The following PLAAT1 variants were observed in gnomAD, a reference collection of about 807,000 sequenced individuals.
The protein encoded by PLAAT1 is phospholipase A and acyltransferase 1, also known as H-REV107 protein-related protein.
In PLAAT1, 13 loss-of-function variants were observed where a neutral mutation model predicts 16.4. The observed-to-expected ratio is 0.79, with a 90% confidence interval of 0.52 to 1.26. The LOEUF is 1.26. Among genes scored for constraint, PLAAT1 ranks in the 50% most tolerant of loss-of-function variants. The pLI, the probability that PLAAT1 is intolerant of heterozygous loss-of-function variation, is 0.00. For synonymous variants in PLAAT1, 73 were observed against 78.4 expected (o/e 0.93, Z 0.36); for missense variants, 218 against 207.8 (o/e 1.05, Z -0.30).
chr3:193,259,277 A>G, intron 2 of PLAAT1, among the ~76,000 whole-genome samples: 1 of 152,174 alleles, frequency 6.6e-6, no homozygotes, highest in East Asian at 1.9e-4. Flanking sequence ...CCCACAGCCA[A>G]CATCATACTG....
chr3:193,269,547 A>G (rs1317348422), intron 3 of PLAAT1, among the ~76,000 whole-genome samples: 2 of 152,192 alleles, frequency 1.3e-5, no homozygotes. Context: ...GGCAGGTTCC[A>G]CGGTGGAAGG....
At chr3:193,248,263 T>C (rs1716055365) in intron 1 of PLAAT1, among the ~76,000 whole-genome samples, 1 of 152,176 alleles carries the variant, frequency 6.6e-6, no homozygotes, top group Non-Finnish European at 1.5e-5. Context: ...ATATCTTTTT[T>C]CATCCCTTCA....
chr3:193,244,954 T>G (rs57253110), intron 1 of PLAAT1, among the ~76,000 whole-genome samples: 1,599 of 152,292 alleles, frequency 0.01, 55 homozygotes, highest in East Asian at 0.072. Flanking sequence ...TACTACCACA[T>G]TAGACATTCA....
downstream of PLAAT1, chr3:193,279,598 A>G: frequency 3.1e-6 from 2 of 637,750 alleles, no homozygotes; most frequent in Non-Finnish European, 5.6e-6. Context: ...GTTTTGAAAT[A>G]TGTTCTAATG....
intron 1 of PLAAT1, among the ~76,000 whole-genome samples, chr3:193,252,857 T>G (rs1716241343): frequency 6.6e-6 from 1 of 152,126 alleles, no homozygotes; most frequent in Non-Finnish European, 1.5e-5. Context: ...CTGGTTTTGT[T>G]TCCTTTGTCT....
At chr3:193,273,839 C>T (rs1717066326), downstream of PLAAT1, among the ~76,000 whole-genome samples, 1 of 152,058 alleles carries the variant, frequency 6.6e-6, no homozygotes, top group South Asian at 2.1e-4. Flanking sequence ...TGAAATAGAA[C>T]TTAAGATTGT....
chr3:193,279,472 ATTATTT>A (rs779308472), downstream of PLAAT1: 2 of 1,593,438 alleles, frequency 1.3e-6, no homozygotes, highest in African/African-American at 2.7e-5. Flanking sequence ...AATACCAAAC[ATTATTT>A]TTAGATGTTA....
rs574565336 is a variant in PLAAT1, at chr3:193,249,771, A to G, written c.1-5880A>G. Among the ~76,000 whole-genome samples, 446 of 151,914 alleles carry G rather than the reference A, an allele frequency of 2.9e-3. 3 individuals are homozygous for G. Among genetic ancestry groups the G allele is most frequent in the Non-Finnish European group, 5.1e-3 (344 of 67,962 alleles). ...GCTAATTCTTACTTCTGCTTGATTT[A>G]TTCTACTGTTGAACCTCCTTATTGG... On this transcript the variant is annotated intron_variant, in intron 1 of 3. Transcript: ENST00000264735.
intron 2 of PLAAT1, among the ~76,000 whole-genome samples, chr3:193,262,181 A>C (rs1237440894): frequency 6.6e-6 from 1 of 152,110 alleles, no homozygotes; most frequent in African/African-American, 2.4e-5. Context: ...GGCCAAAGAT[A>C]TAGTAGTTCC....
chr3:193,263,378 G>A lies in PLAAT1; in HGVS notation c.405+143G>A, dbSNP rs1716662470. ...TAGAGAATGGACTTGAGTTGTCCAA[G>A]GTCCTGCAACAAGTTAATAACCAAA... On this transcript the variant is annotated intron_variant, in intron 3 of 3. Coordinates refer to ENST00000264735, the MANE Select transcript of PLAAT1 (RefSeq NM_020386.5). 14 of 757,990 alleles carry A rather than the reference G, an allele frequency of 1.8e-5. 1 individual carries two copies. The highest frequency in any genetic ancestry group is 2.9e-5 in the Non-Finnish European group (14 of 478,590). The allele number at this position is 757,990 out of a possible 1,614,324, so 47.0% of individuals were successfully genotyped here.
At chr3:193,241,201 C>T (rs1715719294), upstream of PLAAT1, 19 of 1,221,660 alleles carry the variant, frequency 1.6e-5, no homozygotes, top group Middle Eastern at 6.4e-4. Context: ...GCCTCCTGGG[C>T]GGAGCGGGCG....
Position 193,262,832 on chromosome 3 carries a change from A to G in PLAAT1, c.140-138A>G, listed in dbSNP as rs1560103887. 6.2e-6 allele frequency: 5 copies of G among 806,734 alleles called. No individual in the cohort carries two copies. In the East Asian group the frequency reaches 1.2e-4, roughly 20 times the overall value. 50.0% of individuals were successfully genotyped at this position (806,734 alleles called of 1,614,324 possible). ...AGAATAACTGCTTAAGGCTGATGAG[A>G]TTAAATGACTTTGGTTTGATAATAA... On this transcript the variant is annotated intron_variant, in intron 2 of 3. Coordinates refer to ENST00000264735, the MANE Select transcript of PLAAT1 (RefSeq NM_020386.5).
chr3:193,245,583 AT>A (rs139570505), intron 1 of PLAAT1, among the ~76,000 whole-genome samples: 4,245 of 152,244 alleles, frequency 0.028, 86 homozygotes, highest in Middle Eastern at 0.075. Flanking sequence ...TCATATGGTA[AT>A]TCTACTTTTA....
chr3:193,244,283 G>A (rs905614162), intron 1 of PLAAT1, among the ~76,000 whole-genome samples: 3 of 152,118 alleles, frequency 2.0e-5, no homozygotes, highest in Non-Finnish European at 4.4e-5. Flanking sequence ...GGATTATATA[G>A]TAGTTACAAG....
Position 193,261,955 on chromosome 3 carries a change from G to A in PLAAT1, c.140-1015G>A, listed in dbSNP as rs566605563. On this transcript the variant is annotated intron_variant, in intron 2 of 3. Transcript: ENST00000264735. The stretch of plus-strand genomic sequence containing the variant: ...GGAACATCTCACATTCCGTGAGAAG[G>A]AGGACAGACAGAAGGATAGTGGAAA... Among the ~76,000 whole-genome samples, 219 of 152,312 alleles carry A rather than the reference G, an allele frequency of 1.4e-3. 1 individual carries two copies. Among genetic ancestry groups the A allele is most frequent in the Admixed American group, 9.0e-3 (137 of 15,304 alleles).
rs745662361 is a variant in PLAAT1 at position 193,263,105 on chromosome 3, CT to C, written c.276del (p.Leu93SerfsTer7). 10 of 1,614,060 alleles carry C rather than the reference CT, an allele frequency of 6.2e-6. No homozygotes were observed. The Admixed American group carries it at 8.3e-5, about 13-fold the overall frequency. On this transcript the variant is annotated frameshift_variant, in exon 3 of 4. Coordinates refer to ENST00000264735, the MANE Select transcript of PLAAT1 (RefSeq NM_020386.5). LOFTEE classifies it high-confidence loss of function. ...AATAAATACGATGAAACGTACCCCC[CT>C]CTCCCTGTGGAAGAAATCATAAAGC... ...INNKYDETYP[P>X]LPVEEIIKRS...
At chr3:193,242,122 CTT>C (rs773961794) in intron 1 of PLAAT1, among the ~76,000 whole-genome samples, 5 of 141,990 alleles carry the variant, frequency 3.5e-5, no homozygotes, top group African/African-American at 1.0e-4. Context: ...TTTTTTTGCG[CTT>C]TTTTTTTTTT....
chr3:193,261,225 A>G (rs2108795687), intron 2 of PLAAT1, among the ~76,000 whole-genome samples: 1 of 152,196 alleles, frequency 6.6e-6, no homozygotes, highest in East Asian at 1.9e-4. Context: ...AAAATTAGCC[A>G]GGTGTGGTGG....
downstream of PLAAT1, among the ~76,000 whole-genome samples, chr3:193,271,775 T>C (rs1423396116): frequency 6.6e-6 from 1 of 152,148 alleles, no homozygotes; most frequent in African/African-American, 2.4e-5. Flanking sequence ...AGGAATACAG[T>C]ACATAATGTA....
Sources: gnomAD v4.1 joint callset for allele counts (sites outside exome capture counted in the v4.1 genomes callset) on GRCh38, gnomAD v4.1.1 for gene constraint, MANE v1.5 for transcripts, NCBI Gene and HGNC (gene_info 2026-07-23, HGNC 2026-07-21) for gene names.